MBNL2: variants seen among roughly 807,000 people sequenced by gnomAD.
MBNL2 encodes muscleblind like splicing regulator 2.
A neutral mutation model predicts 41.9 loss-of-function variants in MBNL2; 17 were observed. The observed-to-expected ratio is 0.41, with a 90% CI of 0.28 to 0.61. MBNL2 has a LOEUF of 0.61. Among genes scored for constraint, MBNL2 ranks in the 20% least tolerant of loss-of-function variants. MBNL2 has a pLI of 0.35. For synonymous variants in MBNL2, 195 were observed against 182.9 expected (o/e 1.07, Z -0.53); for missense variants, 336 against 505.6 (o/e 0.66, Z 3.22).
chr13:97,339,266 T>TTGTGTGTGTGAG (rs1399010951), intron 3 of MBNL2, among the ~76,000 whole-genome samples: 5 of 151,424 alleles, frequency 3.3e-5, no homozygotes, highest in African/African-American at 1.2e-4. Context: ...TATGAGTGTG[T>TTGTGTGTGTGAG]TGTGTGTGTG....
At chr13:97,178,310 G>T in the MBNL2 span, among the ~76,000 whole-genome samples, 4 of 152,164 alleles carry the variant, frequency 2.6e-5, no homozygotes, top group African/African-American at 9.7e-5. Flanking sequence ...CGAATATACA[G>T]TTCTATGAGA....
At chr13:97,214,548 C>T in the MBNL2 span, among the ~76,000 whole-genome samples, 21 of 152,134 alleles carry the variant, frequency 1.4e-4, no homozygotes, top group Non-Finnish European at 2.2e-4. Flanking sequence ...TCCTTCCATC[C>T]GATAGCCACT....
At chr13:97,326,633 G>C (rs1443338070) in intron 2 of MBNL2, among the ~76,000 whole-genome samples, 2 of 152,088 alleles carry the variant, frequency 1.3e-5, no homozygotes, top group African/African-American at 4.8e-5. Context: ...TGAATCTAAA[G>C]TTACTTTCTA....
chr13:97,328,701 A>T (rs1398688228), intron 2 of MBNL2, among the ~76,000 whole-genome samples: 2 of 152,194 alleles, frequency 1.3e-5, no homozygotes, highest in East Asian at 3.9e-4. Context: ...TGAATTGTAG[A>T]TCGTAGAAAT....
chr13:97,204,657 GTA>G, the MBNL2 span, among the ~76,000 whole-genome samples: 23 of 152,174 alleles, frequency 1.5e-4, no homozygotes, highest in Non-Finnish European at 3.2e-4. Context: ...ACTAAATGAT[GTA>G]TAGACTTATT....
chr13:97,286,637 A>T (rs566964502), intron 2 of MBNL2, among the ~76,000 whole-genome samples: 1 of 152,248 alleles, frequency 6.6e-6, no homozygotes, highest in East Asian at 1.9e-4. Context: ...CACCTGTTGC[A>T]TTTCTGGCCC....
intron 1 of MBNL2, among the ~76,000 whole-genome samples, chr13:97,236,700 G>A (rs532826913): frequency 9.9e-5 from 15 of 152,028 alleles, no homozygotes; most frequent in African/African-American, 3.4e-4. Flanking sequence ...CTCTGTTCCC[G>A]CCTATAATCA....
intron 2 of MBNL2, among the ~76,000 whole-genome samples, chr13:97,322,393 G>A (rs2059577601): frequency 6.6e-6 from 1 of 152,106 alleles, no homozygotes; most frequent in Non-Finnish European, 1.5e-5. Flanking sequence ...TTCAATTTAC[G>A]ATTTTTGACT....
chr13:97,287,460 C>G lies in MBNL2; in HGVS notation c.174+11051C>G, dbSNP rs553673515. On this transcript the variant is annotated intron_variant, in intron 2 of 8. Transcript: ENST00000679496. ...TTCGATGCATATAATATATAGTGATCAGATCAGGGCAATTAGCATATCCAT... is the reference window on the plus strand; with the variant it reads ...TTCGATGCATATAATATATAGTGATGAGATCAGGGCAATTAGCATATCCAT... Among the ~76,000 whole-genome samples the G allele has an allele frequency of 2.6e-5, 4 of 152,190 alleles. No individual in the cohort carries two copies. In the South Asian group the frequency reaches 8.3e-4, roughly 32 times the overall value.
intron 1 of MBNL2, among the ~76,000 whole-genome samples, chr13:97,243,522 A>G (rs892337614): frequency 6.6e-5 from 10 of 152,134 alleles, no homozygotes; most frequent in Non-Finnish European, 1.3e-4. Context: ...TGATTTTCCA[A>G]CAAGGGATTT....
the MBNL2 span, among the ~76,000 whole-genome samples, chr13:97,201,100 G>A: frequency 1.3e-4 from 20 of 152,028 alleles, no homozygotes; most frequent in African/African-American, 4.8e-4. Flanking sequence ...AACTTTCTTC[G>A]AAAGCCACTT....
rs1019076937 is a variant in MBNL2 at position 97,391,269 on chromosome 13, T to C, written c.1049-53T>C. On this transcript the variant is annotated intron_variant, in intron 8 of 8. Transcript: ENST00000679496. ...TTTGAAGAGTAAAACTTAAACTCAT[T>C]ATTTTTCCTCCCAGAAGGATACCTA... The C allele has an allele frequency of 3.3e-5, 27 of 806,798 alleles. No individual in the cohort carries two copies. The African/African-American group carries it at 4.5e-4, about 13-fold the overall frequency. 50.0% of individuals were successfully genotyped at this position (806,798 alleles called of 1,614,324 possible).
intron 4 of MBNL2, among the ~76,000 whole-genome samples, chr13:97,345,255 CA>C (rs2153085192): frequency 6.6e-6 from 1 of 152,334 alleles, no homozygotes; most frequent in East Asian, 1.9e-4. Flanking sequence ...TGATCATTTA[CA>C]TATCCACTTT....
intron 7 of MBNL2, among the ~76,000 whole-genome samples, chr13:97,362,506 T>C (rs2063492587): frequency 6.6e-6 from 1 of 151,864 alleles, no homozygotes; most frequent in Non-Finnish European, 1.5e-5. Context: ...TTGTGGGAAG[T>C]TCAAAAATAG....
intron 7 of MBNL2, among the ~76,000 whole-genome samples, chr13:97,359,660 A>G (rs756988709): frequency 2.6e-5 from 4 of 152,148 alleles, no homozygotes; most frequent in Non-Finnish European, 5.9e-5. Flanking sequence ...CCTCTGGTGG[A>G]TTCTTTAAGA....
the MBNL2 span, among the ~76,000 whole-genome samples, chr13:97,201,121 G>A: frequency 6.6e-6 from 1 of 152,126 alleles, no homozygotes; most frequent in Non-Finnish European, 1.5e-5. Flanking sequence ...CTTCTTTGGA[G>A]CCCTTGAGTG....
chr13:97,364,374 C>T (rs974980480), intron 7 of MBNL2, among the ~76,000 whole-genome samples: 2 of 152,134 alleles, frequency 1.3e-5, no homozygotes, highest in Non-Finnish European at 2.9e-5. Context: ...CTATTTTGCT[C>T]TACAGTGTTT....
the MBNL2 span, chr13:97,179,735 C>T: frequency 1.3e-5 from 2 of 152,140 alleles, no homozygotes; most frequent in Non-Finnish European, 2.9e-5. Context: ...AAATCCAGTT[C>T]GTGCTTGTCC....
chr13:97,174,424 G>A, the MBNL2 span, among the ~76,000 whole-genome samples: 1 of 152,112 alleles, frequency 6.6e-6, no homozygotes, highest in Non-Finnish European at 1.5e-5. Context: ...AGACTCATTA[G>A]GACAAAGAAA....
Sources: allele counts gnomAD v4.1 joint callset (sites outside exome capture counted in the v4.1 genomes callset), GRCh38; gene constraint gnomAD v4.1.1; transcripts MANE v1.5; gene names NCBI Gene and HGNC (gene_info 2026-07-23, HGNC 2026-07-21).